NCKAP1: variants seen among roughly 807,000 people sequenced by gnomAD.
NCKAP1 encodes the protein nck-associated protein 1.
A neutral mutation model predicts 151.2 loss-of-function variants in NCKAP1; 21 were observed. That is an observed-to-expected ratio of 0.14 (90% CI 0.10 to 0.20). The LOEUF (loss-of-function observed/expected upper bound fraction) is 0.20, where lower values mean the gene tolerates loss of function less well. NCKAP1 is among the 10% of genes least tolerant of loss of function. The pLI, the probability that NCKAP1 is intolerant of heterozygous loss-of-function variation, is 1.00. For missense variants in NCKAP1, 933 were observed against 1,352.1 expected (o/e 0.69, Z 4.86); for synonymous variants, 484 against 451.8 (o/e 1.07, Z -0.90).
chr2:182,996,777 G>C (rs1243767792), intron 6 of NCKAP1, among the ~76,000 whole-genome samples: 2 of 152,032 alleles, frequency 1.3e-5, no homozygotes, highest in African/African-American at 4.8e-5. Context: ...TCTTTAATCT[G>C]ACTGCACACA....
Position 182,911,697 on chromosome 2 carries a change from ATAC to A in NCKAP1, c.*14002_*14004del, listed in dbSNP as rs1575004027. 6.6e-6 allele frequency: 1 copy of A among 152,076 alleles called. No homozygotes were observed. Among genetic ancestry groups the A allele is most frequent in the East Asian group, 1.9e-4 (1 of 5,200 alleles). The allele number at this position is 152,076 out of a possible 1,614,324, so 9.4% of individuals were successfully genotyped here. A position where few individuals can be genotyped will look rare whatever the true frequency, so the allele number is the denominator to read the frequency against. On this transcript the variant is annotated 3_prime_UTR_variant, in exon 31 of 31. Transcript: ENST00000361354. ...TGTTTGAGCTTTTATGTTAACACCT[ATAC>A]TACTACAATGAGAAAACAGATTGCT...
intron 1 of NCKAP1, among the ~76,000 whole-genome samples, chr2:183,031,550 G>C (rs1575075255): frequency 6.6e-6 from 1 of 152,124 alleles, no homozygotes; most frequent in South Asian, 2.1e-4. Context: ...CTAAAAGGTA[G>C]TCTTGAGCTT....
At chr2:183,016,242 C>CA (rs1447825514) in intron 2 of NCKAP1, among the ~76,000 whole-genome samples, 3 of 152,158 alleles carry the variant, frequency 2.0e-5, no homozygotes, top group Admixed American at 6.5e-5. Flanking sequence ...AAATAAAAAA[C>CA]AAAAAATTTA....
chr2:182,974,080 T>C (rs563474827), intron 15 of NCKAP1, among the ~76,000 whole-genome samples: 4 of 152,240 alleles, frequency 2.6e-5, no homozygotes, highest in South Asian at 4.1e-4. Flanking sequence ...TCCTACAGTC[T>C]AATCTGTAGG....
intron 8 of NCKAP1, among the ~76,000 whole-genome samples, chr2:182,992,399 G>A (rs746364849): frequency 6.6e-6 from 1 of 152,050 alleles, no homozygotes; most frequent in Non-Finnish European, 1.5e-5. Flanking sequence ...CTTCCTGATC[G>A]ACTTACCGGC....
intron 9 of NCKAP1, among the ~76,000 whole-genome samples, chr2:182,986,811 C>T (rs1323918185): frequency 3.9e-5 from 6 of 151,984 alleles, no homozygotes; most frequent in Non-Finnish European, 1.5e-5. Context: ...AATAAAAAAA[C>T]ATTTAATTAA....
In NCKAP1 at chr2:182,999,934, T is replaced by C. The variant is rs894195989; in HGVS notation, c.603+2019A>G. On this transcript the variant is annotated intron_variant, in intron 6 of 30. Coordinates refer to ENST00000361354, the MANE Select transcript of NCKAP1 (RefSeq NM_013436.5). ...ACCAAATACTGATTGTACTCACTTATAAGGGGAAGCTAAGCATTGGGTACA... is the reference window on the plus strand; with the variant it reads ...ACCAAATACTGATTGTACTCACTTACAAGGGGAAGCTAAGCATTGGGTACA... Among the ~76,000 whole-genome samples the C allele has an allele frequency of 3.3e-5, 5 of 152,230 alleles. No homozygotes were observed. In the East Asian group the frequency reaches 9.6e-4, roughly 29 times the overall value.
Position 183,003,273 on chromosome 2 carries a change from G to T in NCKAP1, c.272C>A (p.Ala91Glu). ...ATCTACAAATGTGAAGTAATATAATGCCAGATTTTTCAGAATCTCTGATTT... is the reference window on the plus strand; with the variant it reads ...ATCTACAAATGTGAAGTAATATAATTCCAGATTTTTCAGAATCTCTGATTT... ...KEKSEILKNL[A>E]LYYFTFVDVM... The change falls in exon 3 of 31, where the codon GCA becomes GAA. Residue 91 changes from alanine (A) to glutamate (E), a missense_variant. Around this residue, in one of 2 missense-constraint regions of NCKAP1, gnomAD observed 607 missense variants for 795.0 expected, o/e 0.76. Coordinates refer to ENST00000361354, the MANE Select transcript of NCKAP1 (RefSeq NM_013436.5). 6.3e-7 allele frequency: 1 copy of T among 1,596,696 alleles called. No homozygotes were observed. Among genetic ancestry groups the T allele is most frequent in the East Asian group, 2.3e-5 (1 of 44,442 alleles).
chr2:182,938,135 T>C (rs1470417199), intron 24 of NCKAP1, among the ~76,000 whole-genome samples: 1 of 152,218 alleles, frequency 6.6e-6, no homozygotes, highest in Non-Finnish European at 1.5e-5. Flanking sequence ...TGCTGTTACA[T>C]GTCCCTGGGT....
chr2:182,945,128 G>A (rs180825078), intron 23 of NCKAP1, among the ~76,000 whole-genome samples: 289 of 152,176 alleles, frequency 1.9e-3, no homozygotes, highest in Admixed American at 3.4e-3. Flanking sequence ...CCAGCTACTC[G>A]GGAGGCTGAG....
At chr2:182,951,790 T>C (rs1042468759) in intron 23 of NCKAP1, among the ~76,000 whole-genome samples, 2 of 152,122 alleles carry the variant, frequency 1.3e-5, no homozygotes, top group African/African-American at 4.8e-5. Flanking sequence ...TCAAATTCTT[T>C]CAAAAACTAC....
intron 6 of NCKAP1, among the ~76,000 whole-genome samples, chr2:182,999,335 C>T (rs1429155644): frequency 6.6e-6 from 1 of 152,036 alleles, no homozygotes; most frequent in East Asian, 1.9e-4. Context: ...GGGCAAAGGA[C>T]GTCAATAAAC....
chr2:183,029,564 G>C (rs1258338646), intron 1 of NCKAP1, among the ~76,000 whole-genome samples: 3 of 151,868 alleles, frequency 2.0e-5, no homozygotes, highest in Non-Finnish European at 2.9e-5. Context: ...GCTCACACCT[G>C]CAATCCCAGC....
chr2:182,958,870 A>T (rs1486096288), intron 18 of NCKAP1, among the ~76,000 whole-genome samples: 1 of 152,214 alleles, frequency 6.6e-6, no homozygotes, highest in African/African-American at 2.4e-5. Context: ...GCCCAGTCCA[A>T]ATTCAGCTGT....
At position 182,983,382 on chromosome 2, in the gene NCKAP1, A is replaced by G. The variant is rs529722816; in HGVS notation, c.1005T>C (p.Ala335=). Residue 335 remains alanine, a splice_region_variant and synonymous_variant, in exon 11 of 31, where the codon GCT becomes GCC. Transcript: ENST00000361354. ...TGCGTCTTTCTCTGTGCATTGAACC[A>G]CTATGGGGAAAGACACCATAATAGT... ...RECKEAAVSH[A]GSMHRERRKF... 7 of 1,599,290 alleles carry G rather than the reference A, an allele frequency of 4.4e-6. No individual in the cohort carries two copies. The highest frequency in any genetic ancestry group is 2.2e-5 in the East Asian group (1 of 44,786).
At chr2:183,002,890 T>C (rs1698400532) in intron 4 of NCKAP1, 84 bp downstream of exon 4, 1 of 930,168 alleles carries the variant, frequency 1.1e-6, no homozygotes, top group Non-Finnish European at 1.7e-6. Context: ...GCTAGTTACA[T>C]AATCTAGCTA....
At chr2:182,936,832 T>C (rs926805869) in intron 24 of NCKAP1, among the ~76,000 whole-genome samples, 6 of 152,028 alleles carry the variant, frequency 3.9e-5, no homozygotes, top group South Asian at 2.1e-4. Context: ...AGATGACCAG[T>C]AGATATTCAA....
chr2:182,961,079 G>T (rs1017578369), intron 18 of NCKAP1, among the ~76,000 whole-genome samples: 1 of 152,066 alleles, frequency 6.6e-6, no homozygotes, highest in Non-Finnish European at 1.5e-5. Flanking sequence ...AAGTCAGAAA[G>T]CAACAGGTGC....
chr2:183,014,141 T>C (rs1450072141), intron 2 of NCKAP1, among the ~76,000 whole-genome samples: 1 of 152,216 alleles, frequency 6.6e-6, no homozygotes, highest in Non-Finnish European at 1.5e-5. Context: ...AACAGAGACT[T>C]CTGTTTGTTC....
Sources: gnomAD v4.1 joint callset for allele counts (sites outside exome capture counted in the v4.1 genomes callset) on GRCh38, gnomAD v4.1.1 for gene constraint, gnomAD v4.1.1 regional missense constraint, MANE v1.5 for transcripts, NCBI Gene and HGNC (gene_info 2026-07-23, HGNC 2026-07-21) for gene names.